The following PLIN4 variants were observed in gnomAD, a reference collection of about 807,000 sequenced individuals.
PLIN4 encodes the protein perilipin 4.
In PLIN4, 57 loss-of-function variants were observed where a neutral mutation model predicts 52.4. The observed-to-expected ratio is 1.09, with a 90% CI of 0.88 to 1.36. The LOEUF is 1.36. PLIN4 is among the 40% of genes most tolerant of loss of function. PLIN4 has a pLI of 0.00. For missense variants in PLIN4, 1,757 were observed against 1,770.3 expected (o/e 0.99, Z 0.13); for synonymous variants, 826 against 785.4 (o/e 1.05, Z -0.86).
intron 3 of PLIN4, among the ~76,000 whole-genome samples, chr19:4,517,079 C>T (rs1360513526): frequency 6.6e-6 from 1 of 152,174 alleles, no homozygotes; most frequent in African/African-American, 2.4e-5. Flanking sequence ...GGGCTCTGGG[C>T]CCAGAGGGAG....
Position 4,512,342 on chromosome 19 carries a change from TCACCC to T in PLIN4, c.1613_1617del (p.Gly538AspfsTer224). ...CCTTTGGCCACGTTCACAGCACTGGTCACCCCACTGCAGACGGTGTCCTTGGTGCC... is the reference window on the plus strand; with the variant it reads ...CCTTTGGCCACGTTCACAGCACTGGTCACTGCAGACGGTGTCCTTGGTGCC... On this transcript the variant is annotated frameshift_variant, in exon 5 of 8. Transcript: ENST00000301286. LOFTEE classifies it high-confidence loss of function. The T allele has an allele frequency of 6.2e-7, 1 of 1,611,290 alleles. No homozygotes were observed. The highest frequency in any genetic ancestry group is 8.5e-7 in the Non-Finnish European group (1 of 1,179,464).
intron 3 of PLIN4, 23 bp from the exon 4 acceptor site, chr19:4,516,701 G>T (rs1474160384): frequency 6.4e-7 from 1 of 1,565,620 alleles, no homozygotes; most frequent in South Asian, 1.2e-5. Flanking sequence ...GGGCCGGTCA[G>T]GGAGAGTGAG....
chr19:4,504,376 T>G lies in PLIN4; in HGVS notation c.*83A>C, dbSNP rs941827172. The stretch of plus-strand genomic sequence containing the variant: ...AGGGCTTTAGGGAACCGATCCAGGT[T>G]TGGGGGCGGGGAGAAAGTTCTGAGG... On this transcript the variant is annotated 3_prime_UTR_variant, in exon 8 of 8. Coordinates refer to ENST00000301286, the MANE Select transcript of PLIN4 (RefSeq NM_001367868.2). The G allele has an allele frequency of 2.3e-6, 3 of 1,322,536 alleles. No individual in the cohort carries two copies. Among genetic ancestry groups the G allele is most frequent in the East Asian group, 2.5e-5 (1 of 39,228 alleles). The allele number at this position is 1,322,536 out of a possible 1,614,324, so 81.9% of individuals were successfully genotyped here. A position where few individuals can be genotyped will look rare whatever the true frequency, so the allele number is the denominator to read the frequency against.
rs201508098 is a variant in PLIN4, at chr19:4,513,155, C to T, written c.805G>A (p.Asp269Asn). 15 of 1,612,120 alleles carry T rather than the reference C, an allele frequency of 9.3e-6. No individual in the cohort carries two copies. The African/African-American group carries it at 1.6e-4, about 17-fold the overall frequency. Residue 269 changes from aspartate to asparagine, a missense_variant, in exon 5 of 8, where the codon GAC becomes AAC. Coordinates refer to ENST00000301286, the MANE Select transcript of PLIN4 (RefSeq NM_001367868.2). ...CCAGTCACCCCACTACAGACGGTGTCCTTGGTACCTGTTAGGACAGTCTTA... is the reference window on the plus strand; with the variant it reads ...CCAGTCACCCCACTACAGACGGTGTTCTTGGTACCTGTTAGGACAGTCTTA... ...TSKTVLTGTK[D>N]TVCSGVTGAM...
chr19:4,513,531 G>T lies in PLIN4; in HGVS notation c.429C>A (p.Val143=). The T allele has an allele frequency of 2.5e-6, 4 of 1,609,872 alleles. No homozygotes were observed. Among genetic ancestry groups the T allele is most frequent in the Non-Finnish European group, 3.4e-6 (4 of 1,178,002 alleles). ...CCTTAGCCATGTCCATGGCCCCTGT[G>T]ACCCCGCTGGACACCACCTCCTTGG... ...TGTKEVVSSG[V]TGAMDMAKGA... The change falls in exon 5 of 8, where the codon GTC becomes GTA. Residue 143 remains valine, a synonymous_variant. Transcript: ENST00000301286.
rs1392487715 is a variant in PLIN4, at chr19:4,518,445, G to GC, written c.-79dup. 2.4e-6 allele frequency: 3 copies of GC among 1,225,376 alleles called. No homozygotes were observed. The African/African-American group carries it at 4.7e-5, about 19-fold the overall frequency. 75.9% of individuals were successfully genotyped at this position (1,225,376 alleles called of 1,614,324 possible). On this transcript the variant is annotated 5_prime_UTR_variant, in exon 1 of 8. Transcript: ENST00000301286. ...AGACGCGGCCCCGCTCACCTGGACT[G>GC]CGCGGGGTCCCCTGGAGGACGGACC...
rs774259750 is a variant in PLIN4, at chr19:4,517,607, G to A, written c.143C>T (p.Ala48Val). 6.3e-5 allele frequency: 101 copies of A among 1,610,582 alleles called. No homozygotes were observed. The highest frequency in any genetic ancestry group is 3.4e-4 in the Middle Eastern group (2 of 5,886). The change falls in exon 3 of 8, where the codon GCC becomes GTC. Residue 48 changes from alanine (A) to valine (V), a missense_variant. Transcript: ENST00000301286. The part of the protein sequence containing the change: ...NAHSSARARP[A>V]ADPTGAPAAE... ...AGCAGGCGCTCCTGTGGGGTCAGCG[G>A]CCGGCCGGGCTCTCGCCGAGCTATG...
At position 4,504,691 on chromosome 19, in the gene PLIN4, G is replaced by C. The variant is rs1976034615; in HGVS notation, c.3884C>G (p.Pro1295Arg). The C allele has an allele frequency of 1.2e-6, 2 of 1,601,106 alleles. No homozygotes were observed. Among genetic ancestry groups the C allele is most frequent in the Non-Finnish European group, 8.5e-7 (1 of 1,177,860 alleles). The change falls in exon 8 of 8, where the codon CCC (proline) becomes CGC (arginine). Residue 1295 changes from proline (P) to arginine (R), a missense_variant. By Grantham distance (103) the Pro-to-Arg change is moderately radical. This residue lies in a region of PLIN4 where 712 missense variants were observed against 637.1 expected (regional missense o/e 1.12). Coordinates refer to ENST00000301286, the MANE Select transcript of PLIN4 (RefSeq NM_001367868.2). ...SGLVSSLQGL[P>R]AELQQPVGRA... ...CCCCACTGGCTGCTGGAGCTCGGCG[G>C]GCAGGCCCTGGAGGCTGGAGACCAG...
chr19:4,515,517 C>T (rs1489810650), intron 4 of PLIN4, among the ~76,000 whole-genome samples: 1 of 152,130 alleles, frequency 6.6e-6, no homozygotes, highest in African/African-American at 2.4e-5. Flanking sequence ...GATCTGCCTG[C>T]CTCAGCCTCC....
chr19:4,506,191 TC>T (rs1976087182), intron 6 of PLIN4, among the ~76,000 whole-genome samples: 1 of 151,962 alleles, frequency 6.6e-6, no homozygotes, highest in Non-Finnish European at 1.5e-5. Context: ...GGCTCCCAAC[TC>T]CCTTGGGGTC....
chr19:4,512,601 T>G lies in PLIN4; in HGVS notation c.1359A>C (p.Thr453=), dbSNP rs74327986. 108,487 of 1,513,058 alleles carry G rather than the reference T, an allele frequency of 0.072. 6,500 individuals carry two copies. The highest frequency in any genetic ancestry group is 0.16 in the African/African-American group (10,019 of 61,586). 93.7% of individuals were successfully genotyped at this position (1,513,058 alleles called of 1,614,324 possible). A position where few individuals can be genotyped will look rare whatever the true frequency, so the allele number is the denominator to read the frequency against. ...GAACGATCTTGGTGGTGTCCACGCC[T>G]GTCTGGATGGTTCCTCTGGCCAAAT... The part of the protein sequence containing the change: ...AMNLARGTIQ[T]GVDTTKIVLT... Residue 453 remains threonine (T), a synonymous_variant, in exon 5 of 8, where the codon ACA becomes ACC. Coordinates refer to ENST00000301286, the MANE Select transcript of PLIN4 (RefSeq NM_001367868.2).
intron 4 of PLIN4, among the ~76,000 whole-genome samples, chr19:4,516,051 G>A (rs1436204562): frequency 6.6e-6 from 1 of 151,802 alleles, no homozygotes; most frequent in Non-Finnish European, 1.5e-5. Flanking sequence ...GAGGTGGGTG[G>A]ATCACTTGAG....
intron 4 of PLIN4, among the ~76,000 whole-genome samples, chr19:4,515,191 TAAA>T (rs777815567): frequency 4.0e-5 from 6 of 151,498 alleles, no homozygotes; most frequent in South Asian, 2.1e-4. Flanking sequence ...AAAAAAAAAT[TAAA>T]AAACACAAAA....
In PLIN4 at chr19:4,517,605, C is replaced by T. The variant is rs978401876; in HGVS notation, c.145G>A (p.Ala49Thr). 20 of 1,610,620 alleles carry T rather than the reference C, an allele frequency of 1.2e-5. No individual in the cohort carries two copies. The highest frequency in any genetic ancestry group is 3.3e-5 in the Admixed American group (2 of 59,886). Residue 49 changes from alanine to threonine, a missense_variant, in exon 3 of 8, where the codon GCT (alanine) becomes ACT (threonine). This residue lies in a region of PLIN4 where 332 missense variants were observed against 310.8 expected (regional missense o/e 1.07). Coordinates refer to ENST00000301286, the MANE Select transcript of PLIN4 (RefSeq NM_001367868.2). ...AHSSARARPAADPTGAPAAEA... is the reference protein window; with the variant it reads ...AHSSARARPATDPTGAPAAEA... ...GCAGCAGGCGCTCCTGTGGGGTCAG[C>T]GGCCGGCCGGGCTCTCGCCGAGCTA... is the stretch of plus-strand genomic sequence containing the variant.
At chr19:4,505,585 G>C (rs763707082) in intron 6 of PLIN4, among the ~76,000 whole-genome samples, 6 of 152,168 alleles carry the variant, frequency 3.9e-5, no homozygotes, top group Non-Finnish European at 8.8e-5. Context: ...GCCCCTGGCA[G>C]GGGAACACTC....
Position 4,510,598 on chromosome 19 carries a change from G to A in PLIN4, c.3362C>T (p.Ala1121Val), listed in dbSNP as rs116198833. 91 of 1,500,656 alleles carry A rather than the reference G, an allele frequency of 6.1e-5. No individual in the cohort carries two copies. The African/African-American group carries it at 8.8e-4, about 15-fold the overall frequency. 93.0% of individuals were successfully genotyped at this position (1,500,656 alleles called of 1,614,324 possible). Residue 1121 changes from alanine (A) to valine (V), a missense_variant, in exon 5 of 8, where the codon GCG becomes GTG. Around this residue, in one of 7 missense-constraint regions of PLIN4, gnomAD observed 712 missense variants for 637.1 expected, o/e 1.12. Transcript: ENST00000301286. ...ATTKGLATDV[A>V]TFTQGAAPGR... ...TGGGGCGGCCCCTTGGGTGAACGTCGCCACGTCAGTCGCAAGGCCCTTGGT... is the reference window on the plus strand; with the variant it reads ...TGGGGCGGCCCCTTGGGTGAACGTCACCACGTCAGTCGCAAGGCCCTTGGT...
In PLIN4 at chr19:4,511,113, A is replaced by G. The variant is rs916296030; in HGVS notation, c.2847T>C (p.Gly949=). 1 of 1,610,044 alleles carries G rather than the reference A, an allele frequency of 6.2e-7. No individual in the cohort carries two copies. The highest frequency in any genetic ancestry group is 1.7e-5 in the Admixed American group (1 of 59,832). ...VNVAKGTVQT[G]VDTAKTVLSG... ...TCAGCACCGTCTTGGCTGTGTCCAC[A>G]CCTGTCTGGACGGTCCCTTTGGCCA... Residue 949 remains glycine (G), a synonymous_variant, in exon 5 of 8, where the codon GGT becomes GGC. Transcript: ENST00000301286.
rs770551404 is a variant in PLIN4, at chr19:4,512,869, G to A, written c.1091C>T (p.Thr364Ile). 1 of 1,563,908 alleles carries A rather than the reference G, an allele frequency of 6.4e-7. No homozygotes were observed. Among genetic ancestry groups the A allele is most frequent in the South Asian group, 1.1e-5 (1 of 90,474 alleles). The change falls in exon 5 of 8, where the codon ACT (threonine) becomes ATT (isoleucine). Residue 364 changes from threonine (T) to isoleucine (I), a missense_variant. By Grantham distance (89) the Thr-to-Ile change is moderately conservative. Around this residue, in one of 7 missense-constraint regions of PLIN4, gnomAD observed 99 missense variants for 143.4 expected, o/e 0.69. Coordinates refer to ENST00000301286, the MANE Select transcript of PLIN4 (RefSeq NM_001367868.2). ...ACTGCAGACAGTGTTCTTGGTGCCAGTTAGGACAGTCTTGGTGGTGTCCAC... is the reference window on the plus strand; with the variant it reads ...ACTGCAGACAGTGTTCTTGGTGCCAATTAGGACAGTCTTGGTGGTGTCCAC... ...TGVDTTKTVL[T>I]GTKNTVCSGV...
chr19:4,515,396 G>A (rs1350837713), intron 4 of PLIN4, among the ~76,000 whole-genome samples: 1 of 151,614 alleles, frequency 6.6e-6, no homozygotes, highest in Non-Finnish European at 1.5e-5. Flanking sequence ...AGCCTCCTGA[G>A]TAGCTGGTAT....
Sources: allele counts gnomAD v4.1 joint callset (sites outside exome capture counted in the v4.1 genomes callset), GRCh38; gene constraint gnomAD v4.1.1; regional missense constraint gnomAD v4.1.1; transcripts MANE v1.5; gene names NCBI Gene and HGNC (gene_info 2026-07-23, HGNC 2026-07-21).